The following RELB variants were observed in gnomAD, a reference collection of about 807,000 sequenced individuals.
The protein encoded by RELB is transcription factor RelB.
RELB carries 14 observed loss-of-function variants against 55.4 expected under a neutral mutation model. That is an observed-to-expected ratio of 0.25 (90% confidence interval 0.17 to 0.40). The LOEUF (loss-of-function observed/expected upper bound fraction) is 0.40. RELB is among the 10% of genes least tolerant of loss of function. The probability of loss-of-function intolerance (pLI) is 1.00; values close to 1 mark genes in which losing one functional copy is unlikely to be tolerated. For missense variants in RELB, 669 were observed against 830.7 expected (o/e 0.81, Z 2.39); for synonymous variants, 409 against 371.3 (o/e 1.10, Z -1.17).
chr19:45,036,270 G>A (rs1311482413), intron 11 of RELB, among the ~76,000 whole-genome samples: 4 of 152,030 alleles, frequency 2.6e-5, no homozygotes, highest in Non-Finnish European at 4.4e-5. Context: ...AAGGGGTTTC[G>A]CCATGTTGGC....
At chr19:45,026,900 T>C (rs1971564808) in intron 7 of RELB, among the ~76,000 whole-genome samples, 1 of 152,154 alleles carries the variant, frequency 6.6e-6, no homozygotes. Flanking sequence ...AAATGGGATA[T>C]TAATTCAGTC....
intron 2 of RELB, among the ~76,000 whole-genome samples, chr19:45,004,995 C>T (rs907693600): frequency 3.3e-5 from 5 of 151,686 alleles, no homozygotes; most frequent in Admixed American, 3.3e-4. Context: ...TGTTGAAACC[C>T]CATCTCTACT....
intron 7 of RELB, among the ~76,000 whole-genome samples, chr19:45,026,206 C>T (rs1158333025): frequency 6.6e-6 from 1 of 151,910 alleles, no homozygotes; most frequent in African/African-American, 2.4e-5. Flanking sequence ...CGCGTCACTG[C>T]GCTCCAGCCT....
At chr19:45,015,954 A>G (rs544590800) in intron 4 of RELB, among the ~76,000 whole-genome samples, 12 of 150,822 alleles carry the variant, frequency 8.0e-5, no homozygotes, top group Admixed American at 4.6e-4. Flanking sequence ...AATATTACCT[A>G]CCTCTATTCA....
At chr19:45,014,890 A>G (rs572103715) in intron 4 of RELB, among the ~76,000 whole-genome samples, 2 of 142,734 alleles carry the variant, frequency 1.4e-5, no homozygotes, top group African/African-American at 5.2e-5. Context: ...CTGTCTCCAA[A>G]TCTGGATTCA....
intron 11 of RELB, 138 bp downstream of exon 11, chr19:45,034,666 T>A (rs1971666860): frequency 1.5e-6 from 1 of 670,380 alleles, no homozygotes; most frequent in Non-Finnish European, 2.5e-6. Flanking sequence ...CAACATAGAG[T>A]AGAAAGAATG....
intron 11 of RELB, among the ~76,000 whole-genome samples, chr19:45,035,609 C>T (rs549166396): frequency 7.2e-5 from 11 of 152,086 alleles, no homozygotes; most frequent in South Asian, 4.2e-4. Flanking sequence ...AGGTAGATCA[C>T]GAGGTGAAGA....
At chr19:45,012,516 G>A (rs1275754286) in intron 4 of RELB, among the ~76,000 whole-genome samples, 1 of 152,054 alleles carries the variant, frequency 6.6e-6, no homozygotes. Context: ...GTCTGAGGCG[G>A]GCGGATCCCT....
rs1568405428 is a variant in RELB, at chr19:45,033,858, A to ATTT, written c.1208-386_1208-385insTTT. Among the ~76,000 whole-genome samples the ATTT allele has an allele frequency of 4.7e-4, 68 of 145,056 alleles. 1 individual carries two copies. Among genetic ancestry groups the ATTT allele is most frequent in the African/African-American group, 1.6e-3 (62 of 39,216 alleles). ...ACGCCCAGCCAAGACTCCATCTTTA[A>ATTT]AAAAAAAAAAAATAGGCCTGGCACA... On this transcript the variant is annotated intron_variant, in intron 9 of 11. Transcript: ENST00000221452.
chr19:45,030,836 A>G (rs1281839778), intron 8 of RELB, among the ~76,000 whole-genome samples: 1 of 152,192 alleles, frequency 6.6e-6, no homozygotes, highest in Non-Finnish European at 1.5e-5. Flanking sequence ...GGTTCCAGAG[A>G]TATCTAGTAA....
intron 7 of RELB, among the ~76,000 whole-genome samples, chr19:45,028,648 T>C (rs1050057397): frequency 9.2e-5 from 14 of 152,196 alleles, no homozygotes; most frequent in Admixed American, 2.0e-4. Context: ...ATCTTCGTTT[T>C]GGACAGACAC....
At chr19:45,032,106 C>T (rs1971630019) in intron 8 of RELB, among the ~76,000 whole-genome samples, 1 of 151,698 alleles carries the variant, frequency 6.6e-6, no homozygotes. Flanking sequence ...CGTGGTTGCA[C>T]ATGCCTATAA....
intron 9 of RELB, 82 bp from the exon 10 acceptor site, chr19:45,034,162 A>ATAAG (rs1971658924): frequency 4.7e-5 from 11 of 235,824 alleles, no homozygotes; most frequent in Non-Finnish European, 6.8e-6. Context: ...GTCTCTAAAA[A>ATAAG]TAAATAAATA....
chr19:45,005,557 C>A (rs1393342995), intron 2 of RELB, among the ~76,000 whole-genome samples: 2 of 152,112 alleles, frequency 1.3e-5, no homozygotes, highest in South Asian at 4.1e-4. Flanking sequence ...AGGATGGCAT[C>A]AGTGACAGAC....
intron 2 of RELB, chr19:45,003,623 A>G (rs1175629952): frequency 7.7e-6 from 4 of 517,910 alleles, no homozygotes; most frequent in Non-Finnish European, 1.5e-5. Context: ...TACTGCTGTC[A>G]TCGCCCCTCC....
Position 45,031,787 on chromosome 19 carries a change from G to A in RELB, c.992-747G>A, listed in dbSNP as rs150173605. Reference sequence around the variant, plus strand: ...GAGACGGGGTTTCACCATGTTAGCCGGGGTAGTCTCGATCTCCTGACCTCG... The same window carrying A: ...GAGACGGGGTTTCACCATGTTAGCCAGGGTAGTCTCGATCTCCTGACCTCG... On this transcript the variant is annotated intron_variant, in intron 8 of 11. Transcript: ENST00000221452. Among the ~76,000 whole-genome samples, 429 of 150,776 alleles carry A rather than the reference G, an allele frequency of 2.8e-3. 4 individuals are homozygous for A. Among genetic ancestry groups the A allele is most frequent in the African/African-American group, 1.0e-2 (411 of 41,186 alleles).
intron 2 of RELB, among the ~76,000 whole-genome samples, chr19:45,004,258 T>C (rs1971255336): frequency 7.1e-6 from 1 of 140,642 alleles, no homozygotes; most frequent in African/African-American, 2.7e-5. Context: ...GTTTCATTCC[T>C]GTTGCCCAGG....
At position 45,037,682 on chromosome 19, in the gene RELB, C is replaced by G; in HGVS notation, c.1632C>G (p.Pro544=). ...LTLDSYQAPG[P]GDGGTASLVG... ...TGGACTCGTACCAGGCCCCGGGCCCCGGGGATGGAGGCACCGCCAGCCTTG... is the reference window on the plus strand; with the variant it reads ...TGGACTCGTACCAGGCCCCGGGCCCGGGGGATGGAGGCACCGCCAGCCTTG... The change falls in exon 12 of 12, where the codon CCC becomes CCG. Residue 544 remains proline, a synonymous_variant. Coordinates refer to ENST00000221452, the MANE Select transcript of RELB (RefSeq NM_006509.4). The G allele has an allele frequency of 6.4e-7, 1 of 1,564,830 alleles. No individual in the cohort carries two copies.
In RELB at chr19:45,030,370, A is replaced by C. The variant is rs187976859; in HGVS notation, c.991+1378A>C. Among the ~76,000 whole-genome samples the C allele has an allele frequency of 7.0e-4, 106 of 152,166 alleles. No homozygotes were observed. The East Asian group carries it at 0.013, about 19-fold the overall frequency. The stretch of plus-strand genomic sequence containing the variant: ...CATTAGGCCGGCTGTGGTGGCTCAC[A>C]CCTGTAATCCCAATACTTTGGGAGG... On this transcript the variant is annotated intron_variant, in intron 8 of 11. Coordinates refer to ENST00000221452, the MANE Select transcript of RELB (RefSeq NM_006509.4).
Sources: allele counts gnomAD v4.1 joint callset (sites outside exome capture counted in the v4.1 genomes callset), GRCh38; gene constraint gnomAD v4.1.1; transcripts MANE v1.5; gene names NCBI Gene and HGNC (gene_info 2026-07-23, HGNC 2026-07-21).